Variants in TCF4 observed in about 807,000 individuals in gnomAD.
TCF4 encodes transcription factor 4.
TCF4 carries 3 observed loss-of-function variants against 82.1 expected under a neutral mutation model. The ratio of observed to expected loss-of-function variants is 0.04; its 90% CI spans 0.02 to 0.09. The LOEUF (loss-of-function observed/expected upper bound fraction) is 0.09, where lower values mean the gene tolerates loss of function less well. Ranked by LOEUF, TCF4 falls within the 10% of genes least tolerant of loss-of-function variation. The pLI is 1.00. For missense variants in TCF4, 518 were observed against 852.7 expected (o/e 0.61, Z 4.89); for synonymous variants, 276 against 309.6 (o/e 0.89, Z 1.14).
intron 6 of TCF4, among the ~76,000 whole-genome samples, chr18:55,377,606 T>C (rs931216580): frequency 6.6e-6 from 1 of 152,238 alleles, no homozygotes; most frequent in Non-Finnish European, 1.5e-5. Flanking sequence ...TGAAGCACCA[T>C]AGCCTTTATG....
chr18:55,344,091 A>G (rs535418830), intron 8 of TCF4, among the ~76,000 whole-genome samples: 1 of 152,326 alleles, frequency 6.6e-6, no homozygotes, highest in African/African-American at 2.4e-5. Flanking sequence ...TTATTCTTTT[A>G]GGATTACTGC....
At chr18:55,619,345 C>A (rs956735601) in intron 2 of TCF4, among the ~76,000 whole-genome samples, 1 of 152,084 alleles carries the variant, frequency 6.6e-6, no homozygotes, top group African/African-American at 2.4e-5. Context: ...ATCATATTAG[C>A]TTATTTTCCT....
intron 5 of TCF4, among the ~76,000 whole-genome samples, chr18:55,457,840 G>A (rs543171719): frequency 1.6e-4 from 24 of 152,316 alleles, no homozygotes; most frequent in Non-Finnish European, 2.8e-4. Flanking sequence ...AACCATTCAT[G>A]TGAAATCAAG....
Position 55,595,260 on chromosome 18 carries a change from A to C in TCF4, c.287-8124T>G, listed in dbSNP as rs189461376. On this transcript the variant is annotated intron_variant, in intron 2 of 20. Transcript: ENST00000398339. ...CTTTCCCAAACCCTCAAAACACCTA[A>C]AAGTAGGAAAAATCAAAATTCTGCC... Among the ~76,000 whole-genome samples the C allele has an allele frequency of 8.3e-4, 126 of 152,320 alleles. 1 individual carries two copies. Among genetic ancestry groups the C allele is most frequent in the South Asian group, 7.5e-3 (36 of 4,820 alleles).
At chr18:55,237,121 A>G (rs971243608) in intron 15 of TCF4, among the ~76,000 whole-genome samples, 2 of 152,252 alleles carry the variant, frequency 1.3e-5, no homozygotes, top group Non-Finnish European at 2.9e-5. Flanking sequence ...TAATAGGTAC[A>G]TAATAACTGC....
At chr18:55,393,999 G>A (rs947335028) in intron 6 of TCF4, among the ~76,000 whole-genome samples, 3 of 152,192 alleles carry the variant, frequency 2.0e-5, no homozygotes, top group Non-Finnish European at 4.4e-5. Context: ...GGGCTCGAGG[G>A]AATACATACA....
chr18:55,449,371 C>A (rs2095582117), intron 5 of TCF4, among the ~76,000 whole-genome samples: 1 of 152,172 alleles, frequency 6.6e-6, no homozygotes, highest in Non-Finnish European at 1.5e-5. Flanking sequence ...AAAACATACA[C>A]ACCATATAAA....
chr18:55,560,301 T>A (rs1042791464), intron 3 of TCF4, among the ~76,000 whole-genome samples: 1 of 152,240 alleles, frequency 6.6e-6, no homozygotes, highest in African/African-American at 2.4e-5. Flanking sequence ...GAGCACTCCA[T>A]ATATGAACAT....
chr18:55,463,254 G>A (rs966832027), intron 4 of TCF4, among the ~76,000 whole-genome samples: 3 of 152,120 alleles, frequency 2.0e-5, no homozygotes, highest in Admixed American at 6.6e-5. Flanking sequence ...ACAAAATCAT[G>A]AATATTTAAA....
intron 8 of TCF4, among the ~76,000 whole-genome samples, chr18:55,300,408 A>G (rs1227811419): frequency 3.0e-5 from 4 of 132,680 alleles, no homozygotes; most frequent in South Asian, 5.9e-4. Flanking sequence ...CAGGGAATGC[A>G]AAGTGGCAGG....
intron 3 of TCF4, among the ~76,000 whole-genome samples, chr18:55,542,333 A>T (rs2097171437): frequency 6.6e-6 from 1 of 151,988 alleles, no homozygotes; most frequent in African/African-American, 2.4e-5. Context: ...GACTCATTTA[A>T]ACACAGATCT....
intron 5 of TCF4, chr18:55,422,088 A>G (rs2094782561): frequency 4.7e-5 from 34 of 724,530 alleles, no homozygotes; most frequent in Non-Finnish European, 5.4e-5. Context: ...AATAGATTAA[A>G]AAGAAAAAGC....
At chr18:55,342,022 T>C (rs965627424) in intron 8 of TCF4, among the ~76,000 whole-genome samples, 1 of 152,194 alleles carries the variant, frequency 6.6e-6, no homozygotes, top group Non-Finnish European at 1.5e-5. Flanking sequence ...ACATGGTGTG[T>C]CTAGTTTTTA....
intron 10 of TCF4, 133 bp from the exon 11 acceptor site, chr18:55,270,096 A>G (rs776343231): frequency 8.6e-7 from 1 of 1,159,150 alleles, no homozygotes; most frequent in Admixed American, 1.8e-5. Flanking sequence ...AGCCAAGAAT[A>G]TATCTTGTTT....
chr18:55,606,249 C>A (rs1011289941), intron 2 of TCF4, among the ~76,000 whole-genome samples: 3 of 152,174 alleles, frequency 2.0e-5, no homozygotes, highest in Admixed American at 2.0e-4. Flanking sequence ...TAAAATAACA[C>A]ACACTTTCTT....
At chr18:55,509,750 C>A (rs765197944) in intron 3 of TCF4, among the ~76,000 whole-genome samples, 11 of 152,024 alleles carry the variant, frequency 7.2e-5, no homozygotes, top group Admixed American at 3.9e-4. Context: ...AATCTGCCTC[C>A]CAGAGGAATT....
intron 3 of TCF4, among the ~76,000 whole-genome samples, chr18:55,543,816 A>G (rs2097183752): frequency 6.6e-6 from 1 of 152,194 alleles, no homozygotes; most frequent in Non-Finnish European, 1.5e-5. Context: ...GCATGAGCCA[A>G]TAATTCCCAA....
intron 2 of TCF4, chr18:55,631,192 G>C (rs1306520382): frequency 8.3e-6 from 4 of 484,540 alleles, no homozygotes; most frequent in Non-Finnish European, 1.5e-5. Flanking sequence ...TGGGACTACA[G>C]GCACATGCCA....
chr18:55,549,096 T>C (rs762529131), intron 3 of TCF4, among the ~76,000 whole-genome samples: 2 of 151,678 alleles, frequency 1.3e-5, no homozygotes, highest in Non-Finnish European at 2.9e-5. Flanking sequence ...AGCTCAGGAG[T>C]CTAAGACCAG....
Sources: allele counts gnomAD v4.1 joint callset (sites outside exome capture counted in the v4.1 genomes callset), GRCh38; gene constraint gnomAD v4.1.1; transcripts MANE v1.5; gene names NCBI Gene and HGNC (gene_info 2026-07-23, HGNC 2026-07-21).